Variants in NAV2 observed in about 807,000 individuals in gnomAD.
The protein encoded by NAV2 is helicase, APC down-regulated 1.
Under a neutral mutation model 223.2 loss-of-function variants are expected in NAV2, and 54 were observed. The observed-to-expected ratio is 0.24, with a 90% CI of 0.19 to 0.30. The LOEUF (loss-of-function observed/expected upper bound fraction) is 0.30. Among genes scored for constraint, NAV2 ranks in the 10% least tolerant of loss-of-function variants. NAV2 has a pLI of 1.00. For synonymous variants in NAV2, 1,279 were observed against 1,239.3 expected, an observed-to-expected ratio of 1.03 and a Z score of -0.67; for missense variants, 2,806 against 3,147.5, an observed-to-expected ratio of 0.89 and a Z score of 2.60.
chr11:19,388,792 A>G (rs1253170040), intron 1 of NAV2, among the ~76,000 whole-genome samples: 1 of 152,196 alleles, frequency 6.6e-6, no homozygotes, highest in Non-Finnish European at 1.5e-5. Flanking sequence ...CCTACTATGC[A>G]CCATGGACTT....
At chr11:20,018,724 C>T (rs897718384) in intron 11 of NAV2, among the ~76,000 whole-genome samples, 87 of 152,290 alleles carry the variant, frequency 5.7e-4, no homozygotes, top group African/African-American at 1.9e-3. Flanking sequence ...GAGGAGCTCC[C>T]TGTGTTGAGG....
chr11:20,048,921 C>T lies in NAV2; in HGVS notation c.4096C>T (p.Pro1366Ser), dbSNP rs1183157373. ...CAAGAATGTGGACCTCAACCAGTCT[C>T]CGCTAGCCTCCAGCCCCAGCTCAGC... ...YSKNVDLNQS[P>S]LASSPSSAHS... The change falls in exon 15 of 38, where the codon CCG becomes TCG. Residue 1366 changes from proline to serine, a missense_variant. Pro to Ser is a moderately conservative substitution (Grantham distance 74). Around this residue, in one of 4 missense-constraint regions of NAV2, gnomAD observed 742 missense variants for 777.9 expected, o/e 0.95. Transcript: ENST00000349880. The T allele has an allele frequency of 6.2e-7, 1 of 1,614,088 alleles. No individual in the cohort carries two copies.
chr11:19,950,294 A>G (rs943099253), intron 10 of NAV2, among the ~76,000 whole-genome samples: 1 of 152,238 alleles, frequency 6.6e-6, no homozygotes, highest in African/African-American at 2.4e-5. Flanking sequence ...TGCCAAACAC[A>G]GTGCTAGGTG....
At chr11:19,996,438 G>A (rs34277462) in intron 11 of NAV2, among the ~76,000 whole-genome samples, 11,936 of 152,296 alleles carry the variant, frequency 0.078, 582 homozygotes, top group South Asian at 0.12. Context: ...CAAGAGTGTG[G>A]CTCAGGCTCA....
Position 20,012,260 on chromosome 11 carries a change from A to G in NAV2, c.2769-23699A>G, listed in dbSNP as rs539808532. ...TTTCTCTCTAAACTTAAGCAAAAAT[A>G]TAGAACTTGAAACTATTAGGTTGGT... On this transcript the variant is annotated intron_variant, in intron 11 of 37. Transcript: ENST00000349880. Among the ~76,000 whole-genome samples the G allele has an allele frequency of 2.0e-5, 3 of 152,366 alleles. No homozygotes were observed. The East Asian group carries it at 5.8e-4, about 29-fold the overall frequency.
At chr11:20,090,143 C>A (rs1007669125) in intron 26 of NAV2, among the ~76,000 whole-genome samples, 4 of 152,170 alleles carry the variant, frequency 2.6e-5, no homozygotes, top group Admixed American at 6.5e-5. Flanking sequence ...ACACCTTCCA[C>A]GCATATCTTT....
intron 9 of NAV2, among the ~76,000 whole-genome samples, chr11:19,948,083 T>A (rs1197036532): frequency 6.7e-6 from 1 of 149,586 alleles, no homozygotes; most frequent in African/African-American, 2.5e-5. Flanking sequence ...AGAAAATTCT[T>A]ATTTTTTTTT....
At chr11:19,913,180 T>A (rs2043465783) in intron 6 of NAV2, among the ~76,000 whole-genome samples, 1 of 152,238 alleles carries the variant, frequency 6.6e-6, no homozygotes, top group African/African-American at 2.4e-5. Context: ...GAAAAATAAT[T>A]AGGGTACCTA....
rs200852765 is a variant in NAV2, at chr11:20,054,198, G to A, written c.4600G>A (p.Val1534Met). Residue 1534 changes from valine to methionine, a missense_variant, in exon 18 of 38, where the codon GTG becomes ATG. Physicochemically the swap from Val to Met is conservative, Grantham distance 21 (BLOSUM62 1). Around this residue, in one of 4 missense-constraint regions of NAV2, gnomAD observed 742 missense variants for 777.9 expected, o/e 0.95. Transcript: ENST00000349880. ...ANSPFSSGSSVTSPSGTRFNF... is the reference protein window; with the variant it reads ...ANSPFSSGSSMTSPSGTRFNF... ...TTCCCCCTTTTCCTCTGGCTCCAGC[G>A]TGACTTCTCCCTCCGGAACAAGATT... 100 of 1,612,982 alleles carry A rather than the reference G, an allele frequency of 6.2e-5. No individual in the cohort carries two copies. The highest frequency in any genetic ancestry group is 3.3e-4 in the East Asian group (15 of 44,830).
chr11:19,627,628 C>T (rs1311709088), intron 1 of NAV2, among the ~76,000 whole-genome samples: 1 of 152,066 alleles, frequency 6.6e-6, no homozygotes, highest in Admixed American at 6.5e-5. Flanking sequence ...TCACAATTGT[C>T]ATGTAGGTCC....
intron 1 of NAV2, among the ~76,000 whole-genome samples, chr11:19,724,595 G>A (rs994855106): frequency 6.6e-6 from 1 of 152,230 alleles, no homozygotes; most frequent in Admixed American, 6.5e-5. Context: ...CCTCTTTGTG[G>A]ATGGTATAAG....
intron 36 of NAV2, among the ~76,000 whole-genome samples, chr11:20,110,963 G>A (rs2062581466): frequency 6.6e-6 from 1 of 152,172 alleles, no homozygotes; most frequent in Admixed American, 6.5e-5. Context: ...TATGGATTTG[G>A]TGGGAACGTA....
At chr11:19,674,642 G>A (rs936418679) in intron 1 of NAV2, among the ~76,000 whole-genome samples, 22 of 152,190 alleles carry the variant, frequency 1.4e-4, no homozygotes, top group Non-Finnish European at 5.9e-5. Flanking sequence ...CTGTGAGTGA[G>A]ATCACCTAGA....
intron 1 of NAV2, among the ~76,000 whole-genome samples, chr11:19,559,276 G>A (rs2045014557): frequency 1.3e-5 from 2 of 152,154 alleles, no homozygotes; most frequent in Admixed American, 6.5e-5. Context: ...GTCAGGTAAG[G>A]ACAGAGCTAG....
intron 6 of NAV2, among the ~76,000 whole-genome samples, chr11:19,914,967 C>T (rs896316276): frequency 6.6e-6 from 1 of 152,238 alleles, no homozygotes; most frequent in Non-Finnish European, 1.5e-5. Flanking sequence ...CCTCCCTTCT[C>T]CTCTCCTTTC....
At chr11:20,033,305 G>A (rs767973063) in intron 11 of NAV2, among the ~76,000 whole-genome samples, 1 of 152,178 alleles carries the variant, frequency 6.6e-6, no homozygotes, top group South Asian at 2.1e-4. Flanking sequence ...AGTTGTTATC[G>A]CTAAGCAGGC....
intron 6 of NAV2, among the ~76,000 whole-genome samples, chr11:19,930,835 G>A (rs1436394113): frequency 6.6e-6 from 1 of 152,210 alleles, no homozygotes; most frequent in Non-Finnish European, 1.5e-5. Flanking sequence ...CAGCCAGAGA[G>A]CCATCCTCTG....
intron 29 of NAV2, among the ~76,000 whole-genome samples, chr11:20,095,153 A>G (rs2061156675): frequency 6.6e-6 from 1 of 152,246 alleles, no homozygotes; most frequent in South Asian, 2.1e-4. Flanking sequence ...AATGTTTAAG[A>G]TCTAGTAAGG....
intron 8 of NAV2, among the ~76,000 whole-genome samples, chr11:19,942,487 A>T (rs1316932858): frequency 6.6e-6 from 1 of 152,224 alleles, no homozygotes; most frequent in Non-Finnish European, 1.5e-5. Context: ...TCCAGAGAGG[A>T]TAAGTGACTT....
Sources: gnomAD v4.1 joint callset for allele counts (sites outside exome capture counted in the v4.1 genomes callset) on GRCh38, gnomAD v4.1.1 for gene constraint, gnomAD v4.1.1 regional missense constraint, MANE v1.5 for transcripts, NCBI Gene and HGNC (gene_info 2026-07-23, HGNC 2026-07-21) for gene names.